The following WASHC2C variants were observed in gnomAD, a reference collection of about 807,000 sequenced individuals.
WASHC2C encodes the protein Vaccinia Penetration Factor.
WASHC2C carries 73 observed loss-of-function variants against 142.2 expected under a neutral mutation model. The ratio of observed to expected loss-of-function variants is 0.51; its 90% confidence interval spans 0.43 to 0.62. The LOEUF (loss-of-function observed/expected upper bound fraction) is 0.62, where lower values mean the gene tolerates loss of function less well. WASHC2C is among the 20% of genes least tolerant of loss of function. WASHC2C has a pLI of 0.00. For synonymous variants in WASHC2C, 337 were observed against 565.5 expected, an observed-to-expected ratio of 0.60 and a Z score of 5.73; for missense variants, 969 against 1,531.7, an observed-to-expected ratio of 0.63 and a Z score of 6.13.
At chr10:45,787,888 T>A (rs1354944331) in intron 28 of WASHC2C, among the ~76,000 whole-genome samples, 21 of 152,246 alleles carry the variant, frequency 1.4e-4, no homozygotes, top group Non-Finnish European at 2.9e-4. Context: ...TTTCATGGGA[T>A]CTCCTCAATG....
chr10:45,761,684 G>C (rs2055111363), intron 17 of WASHC2C, among the ~76,000 whole-genome samples: 1 of 152,134 alleles, frequency 6.6e-6, no homozygotes, highest in Non-Finnish European at 1.5e-5. Flanking sequence ...TCATTTTGGG[G>C]GAACATATTT....
At chr10:45,786,530 T>G (rs1488725864) in intron 26 of WASHC2C, 82 bp from the exon 27 acceptor site, 18 of 1,395,966 alleles carry the variant, frequency 1.3e-5, no homozygotes, top group Non-Finnish European at 1.7e-5. Context: ...TTTTGCTCCA[T>G]CACAGATTTA....
At chr10:45,730,142 C>G (rs1288766501) in intron 3 of WASHC2C, among the ~76,000 whole-genome samples, 1 of 133,310 alleles carries the variant, frequency 7.5e-6, no homozygotes, top group African/African-American at 2.9e-5. Context: ...GTTGGGAGTT[C>G]GAGACCAGCC....
intron 19 of WASHC2C, among the ~76,000 whole-genome samples, 156 bp downstream of exon 19, chr10:45,765,966 A>T (rs200980903): frequency 0.048 from 7,367 of 152,122 alleles, 82 homozygotes; most frequent in African/African-American, 0.086. Context: ...AAGACATTTA[A>T]TGTAATATAT....
At chr10:45,762,857 G>A (rs2055303159) in intron 17 of WASHC2C, among the ~76,000 whole-genome samples, 1 of 152,196 alleles carries the variant, frequency 6.6e-6, no homozygotes, top group Non-Finnish European at 1.5e-5. Flanking sequence ...AGTGAGCCGA[G>A]ATTGCACCAC....
At position 45,792,531 on chromosome 10, in the gene WASHC2C, G is replaced by C; in HGVS notation, c.*131G>C. 2 of 1,399,076 alleles carry C rather than the reference G, an allele frequency of 1.4e-6. No individual in the cohort carries two copies. The highest frequency in any genetic ancestry group is 4.6e-5 in the East Asian group (2 of 43,942). The allele number at this position is 1,399,076 out of a possible 1,614,324, so 86.7% of individuals were successfully genotyped here. On this transcript the variant is annotated 3_prime_UTR_variant, in exon 31 of 31. Transcript: ENST00000623400. ...ACAGCTAGCTCATCTTTTACCCAAT[G>C]TACTTAGTATTTTTCTGCACTGGTT...
chr10:45,767,036 G>T (rs1429109552), intron 19 of WASHC2C, among the ~76,000 whole-genome samples: 1 of 151,932 alleles, frequency 6.6e-6, no homozygotes, highest in African/African-American at 2.4e-5. Flanking sequence ...AGAGTCTGAG[G>T]CAGGCAGATC....
Position 45,758,672 on chromosome 10 carries a change from A to G in WASHC2C, c.1549-643A>G, listed in dbSNP as rs72642118. ...GCCCAGGCTGGAGTGTAGTGGTACA[A>G]TCACAGCTCACTGCAGCCTCAACCT... is the stretch of plus-strand genomic sequence containing the variant. On this transcript the variant is annotated intron_variant, in intron 16 of 30. Coordinates refer to ENST00000623400, the MANE Select transcript of WASHC2C (RefSeq NM_001330074.2). Among the ~76,000 whole-genome samples, 2,012 of 150,630 alleles carry G rather than the reference A, an allele frequency of 0.013. 150 individuals carry two copies. The East Asian group carries it at 0.24, about 18-fold the overall frequency.
rs1455493664 is a variant in WASHC2C, at chr10:45,770,222, C to T, written c.2039+604C>T. ...CACCACTGCACTCCAGCCTGGGCAA[C>T]GGAGCAAGACTCCATCTCAAAAAAA... On this transcript the variant is annotated intron_variant, in intron 20 of 30. Coordinates refer to ENST00000623400, the MANE Select transcript of WASHC2C (RefSeq NM_001330074.2). Among the ~76,000 whole-genome samples the T allele has an allele frequency of 7.9e-5, 11 of 139,656 alleles. No individual in the cohort carries two copies. In the South Asian group the frequency reaches 1.6e-3, roughly 21 times the overall value. 91.6% of individuals were successfully genotyped at this position (139,656 alleles called of 152,430 possible). A position where few individuals can be genotyped will look rare whatever the true frequency, so the allele number is the denominator to read the frequency against.
chr10:45,748,655 T>C (rs1309823404), intron 8 of WASHC2C, among the ~76,000 whole-genome samples: 1 of 151,866 alleles, frequency 6.6e-6, no homozygotes, highest in Non-Finnish European at 1.5e-5. Flanking sequence ...AACAGGTTGG[T>C]TTTGTGTGCT....
chr10:45,790,285 T>C, intron 29 of WASHC2C, 71 bp from the exon 30 acceptor site: 1 of 1,607,140 alleles, frequency 6.2e-7, no homozygotes, highest in Non-Finnish European at 8.5e-7. Context: ...TTCCATAGCT[T>C]GTTGACGTGT....
At position 45,779,276 on chromosome 10, in the gene WASHC2C, A is replaced by G; in HGVS notation, c.2478+141A>G. On this transcript the variant is annotated intron_variant, in intron 23 of 30. Coordinates refer to ENST00000623400, the MANE Select transcript of WASHC2C (RefSeq NM_001330074.2). ...TTAATGATTCTGTGCAGTCATTTAG[A>G]TATTTGGGAATCTTAATCAGGAACT... The G allele has an allele frequency of 6.3e-6, 4 of 633,664 alleles. No individual in the cohort carries two copies. In the South Asian group the frequency reaches 7.9e-5, roughly 13 times the overall value. 39.3% of individuals were successfully genotyped at this position (633,664 alleles called of 1,614,324 possible). A position where few individuals can be genotyped will look rare whatever the true frequency, so the allele number is the denominator to read the frequency against.
In WASHC2C at chr10:45,792,326, G is replaced by C; in HGVS notation, c.3952G>C (p.Ala1318Pro). 6.4e-7 allele frequency: 1 copy of C among 1,565,158 alleles called. No homozygotes were observed. Among genetic ancestry groups the C allele is most frequent in the Non-Finnish European group, 8.7e-7 (1 of 1,146,726 alleles). Residue 1318 changes from alanine (A) to proline (P), a missense_variant, in exon 31 of 31, where the codon GCA becomes CCA. Ala to Pro is a conservative substitution (Grantham distance 27). Coordinates refer to ENST00000623400, the MANE Select transcript of WASHC2C (RefSeq NM_001330074.2). Reference sequence around the variant, plus strand: ...ACCAAAAAGCCGATCTGCACAGGCCGCACCTGAACCAAGATTTGAACACAA... The same window carrying C: ...ACCAAAAAGCCGATCTGCACAGGCCCCACCTGAACCAAGATTTGAACACAA... ...TKPKSRSAQA[A>P]PEPRFEHKVS...
At chr10:45,751,813 T>TA (rs1189207704) in intron 11 of WASHC2C, among the ~76,000 whole-genome samples, 2 of 152,008 alleles carry the variant, frequency 1.3e-5, no homozygotes, top group African/African-American at 4.8e-5. Context: ...CCATTTCTAC[T>TA]AAAAATACAA....
In WASHC2C at chr10:45,754,772, G is replaced by A. The variant is rs192001256; in HGVS notation, c.1241-164G>A. On this transcript the variant is annotated intron_variant, in intron 14 of 30. Coordinates refer to ENST00000623400, the MANE Select transcript of WASHC2C (RefSeq NM_001330074.2). Reference sequence around the variant, plus strand: ...TTGAGCGACCTGGTGATTCTCCGTTGTGAGATGTTCTGTAGCAGTAATGGA... The same window carrying A: ...TTGAGCGACCTGGTGATTCTCCGTTATGAGATGTTCTGTAGCAGTAATGGA... Among the ~76,000 whole-genome samples, 384 of 152,294 alleles carry A rather than the reference G, an allele frequency of 2.5e-3. 1 individual carries two copies. Among genetic ancestry groups the A allele is most frequent in the African/African-American group, 8.6e-3 (357 of 41,534 alleles).
At chr10:45,733,544 A>C (rs2050860139) in intron 3 of WASHC2C, among the ~76,000 whole-genome samples, 1 of 152,256 alleles carries the variant, frequency 6.6e-6, no homozygotes, top group Non-Finnish European at 1.5e-5. Context: ...TGAGTTTAGC[A>C]GGTGAGGATG....
At chr10:45,782,528 A>G (rs1554888326) in intron 23 of WASHC2C, among the ~76,000 whole-genome samples, 1 of 150,684 alleles carries the variant, frequency 6.6e-6, no homozygotes, top group East Asian at 2.0e-4. Context: ...GTGGAACAGT[A>G]CAACCACTTT....
rs1589942576 is a variant in WASHC2C at position 45,784,417 on chromosome 10, C to T, written c.2479-148C>T. Reference sequence around the variant, plus strand: ...ATTTTGTCAATGTTTCATTCCCCTACTGAGTGGCTTTTAGGCTGTGGCCAG... The same window carrying T: ...ATTTTGTCAATGTTTCATTCCCCTATTGAGTGGCTTTTAGGCTGTGGCCAG... On this transcript the variant is annotated intron_variant, in intron 23 of 30. Transcript: ENST00000623400. The T allele has an allele frequency of 1.7e-5, 13 of 780,248 alleles. No individual in the cohort carries two copies. In the Middle Eastern group the frequency reaches 1.3e-3, roughly 79 times the overall value. 48.3% of individuals were successfully genotyped at this position (780,248 alleles called of 1,614,324 possible). A position where few individuals can be genotyped will look rare whatever the true frequency, so the allele number is the denominator to read the frequency against.
At chr10:45,734,193 T>C (rs1384908888) in intron 3 of WASHC2C, among the ~76,000 whole-genome samples, 5 of 152,156 alleles carry the variant, frequency 3.3e-5, no homozygotes, top group East Asian at 1.9e-4. Flanking sequence ...CCACTGCACT[T>C]CAGCCAGGGT....
Sources: allele counts gnomAD v4.1 joint callset (sites outside exome capture counted in the v4.1 genomes callset), GRCh38; gene constraint gnomAD v4.1.1; transcripts MANE v1.5; gene names NCBI Gene and HGNC (gene_info 2026-07-23, HGNC 2026-07-21).